The following HECTD4 variants were observed in gnomAD, a reference collection of about 807,000 sequenced individuals.
HECTD4 encodes probable E3 ubiquitin-protein ligase HECTD4.
A neutral mutation model predicts 471.5 loss-of-function variants in HECTD4; 114 were observed. The ratio of observed to expected loss-of-function variants is 0.24; its 90% CI spans 0.21 to 0.28. The LOEUF (loss-of-function observed/expected upper bound fraction) is 0.28, where lower values mean the gene tolerates loss of function less well. Among genes scored for constraint, HECTD4 ranks in the 10% least tolerant of loss-of-function variants. The probability of loss-of-function intolerance (pLI) is 1.00; values close to 1 mark genes in which losing one functional copy is unlikely to be tolerated. For missense variants in HECTD4, 3,866 were observed against 5,651.5 expected, an observed-to-expected ratio of 0.68 and a Z score of 10.13; for synonymous variants, 2,012 against 2,256.0, an observed-to-expected ratio of 0.89 and a Z score of 3.07.
Position 112,162,464 on chromosome 12 carries a change from G to A in HECTD4, c.13180C>T (p.Gln4394Ter), listed in dbSNP as rs2030726361. Residue 4394 changes from glutamine to a stop codon, truncating the protein, a stop_gained, in exon 76 of 76, where the codon CAG (glutamine) becomes TAG (stop). Transcript: ENST00000682272. LOFTEE classifies it high-confidence loss of function. The surrounding 1 kb of genome is among the most constrained non-coding windows in gnomAD (Gnocchi z 5.2). ...ETCMFMIKLP[Q>*]YSSLEIMLEK... The stretch of plus-strand genomic sequence containing the variant: ...AGCATGATTTCCAGAGAGGAGTACT[G>A]GGGAAGCTTGATCATGAACATGCAG... 1 of 1,613,984 alleles carries A rather than the reference G, an allele frequency of 6.2e-7. No homozygotes were observed. The highest frequency in any genetic ancestry group is 8.5e-7 in the Non-Finnish European group (1 of 1,179,868).
rs989866345 is a variant in HECTD4 at position 112,381,831 on chromosome 12, A to G, written c.177+121T>C. 548 of 634,028 alleles carry G rather than the reference A, an allele frequency of 8.6e-4. No homozygotes were observed. Among genetic ancestry groups the G allele is most frequent in the Non-Finnish European group, 1.1e-3 (509 of 452,176 alleles). 39.3% of individuals were successfully genotyped at this position (634,028 alleles called of 1,614,324 possible). On this transcript the variant is annotated intron_variant, in intron 1 of 75. Transcript: ENST00000682272. The surrounding 1 kb of genome is among the most constrained non-coding windows in gnomAD (Gnocchi z 4.1). ...CCACCTGCCCGCCCCGCGCCCACAC[A>G]CACCTGCCCCGGCAGCCGCCGGGAG...
chr12:112,206,738 G>A (rs1391386328), intron 52 of HECTD4, among the ~76,000 whole-genome samples: 3 of 151,852 alleles, frequency 2.0e-5, no homozygotes, highest in Admixed American at 6.6e-5. Flanking sequence ...GGGTTTCACC[G>A]TGTTAGCCAG....
rs1272674672 is a variant in HECTD4, at chr12:112,239,821, C to A, written c.5105+60G>T. On this transcript the variant is annotated intron_variant, in intron 33 of 75. Coordinates refer to ENST00000682272, the MANE Select transcript of HECTD4 (RefSeq NM_001388303.1). The surrounding 1 kb of genome is among the most constrained non-coding windows in gnomAD (Gnocchi z 4.9). ...CAATTTTTAAAATTAAAAATACTTT[C>A]ACTTAATCGACTATACTGCAGGGTA... 7.0e-7 allele frequency: 1 copy of A among 1,437,980 alleles called. No homozygotes were observed. Among genetic ancestry groups the A allele is most frequent in the East Asian group, 2.3e-5 (1 of 43,192 alleles). 89.1% of individuals were successfully genotyped at this position (1,437,980 alleles called of 1,614,324 possible).
In HECTD4 at chr12:112,184,949, G is replaced by C. The variant is rs777310665; in HGVS notation, c.10017C>G (p.Thr3339=). 89 of 1,613,768 alleles carry C rather than the reference G, an allele frequency of 5.5e-5. 1 individual carries two copies. In the Admixed American group the frequency reaches 1.2e-3, roughly 21 times the overall value. ...QSSRTVDSDP[T]VLSIGGSKPE... ...GCTTGCTGCCTCCGATGCTGAGCAC[G>C]GTGGGGTCCGAGTCCACGGTGCGGG... The change falls in exon 61 of 76, where the codon ACC becomes ACG. Residue 3339 remains threonine (T), a synonymous_variant. Transcript: ENST00000682272. This position sits in a 1 kb window ranked among gnomAD's most constrained non-coding sequence, Gnocchi z 9.1.
chr12:112,352,154 G>A (rs1434585522), intron 1 of HECTD4, among the ~76,000 whole-genome samples: 1 of 152,032 alleles, frequency 6.6e-6, no homozygotes, highest in African/African-American at 2.4e-5. Context: ...ACATAAGAAC[G>A]TTTCAATTAG....
At chr12:112,233,883 T>C (rs1384885815) in intron 37 of HECTD4, among the ~76,000 whole-genome samples, 3 of 152,214 alleles carry the variant, frequency 2.0e-5, no homozygotes, top group Admixed American at 1.3e-4. Flanking sequence ...ACCCTGTGTG[T>C]TTCTCCCTGG....
chr12:112,221,545 G>A (rs1381388029), intron 44 of HECTD4, among the ~76,000 whole-genome samples: 2 of 151,938 alleles, frequency 1.3e-5, no homozygotes, highest in East Asian at 1.9e-4. Context: ...AGCCTCAGGA[G>A]CATTTTAAAG....
chr12:112,352,335 CTTT>C (rs1183472420), intron 1 of HECTD4, among the ~76,000 whole-genome samples: 2 of 136,642 alleles, frequency 1.5e-5, no homozygotes, highest in Admixed American at 7.5e-5. Context: ...GATGGAGCAT[CTTT>C]TTTTTTTTTT....
intron 16 of HECTD4, 109 bp downstream of exon 16, chr12:112,265,066 T>A: frequency 9.2e-7 from 1 of 1,081,324 alleles, no homozygotes; most frequent in Non-Finnish European, 1.3e-6. Context: ...CGCCCGGCCT[T>A]TCATAAATTA....
chr12:112,231,751 TCA>T, intron 38 of HECTD4, 36 bp from the exon 39 acceptor site: 1 of 1,547,694 alleles, frequency 6.5e-7, no homozygotes, highest in East Asian at 2.3e-5. Flanking sequence ...AAGATTCATT[TCA>T]GTCTTCCCAG....
At chr12:112,366,893 AAAAG>A (rs1225107301) in intron 1 of HECTD4, among the ~76,000 whole-genome samples, 6 of 151,090 alleles carry the variant, frequency 4.0e-5, no homozygotes, top group African/African-American at 1.2e-4. Flanking sequence ...AAAAAAAAAA[AAAAG>A]AAAGAAAAAG....
At chr12:112,254,860 A>T (rs905153935) in intron 21 of HECTD4, among the ~76,000 whole-genome samples, 17 of 152,364 alleles carry the variant, frequency 1.1e-4, no homozygotes, top group African/African-American at 4.1e-4. Context: ...CTCATTTGGC[A>T]TTCAAAGACT....
chr12:112,240,958 T>G (rs1029234942), intron 32 of HECTD4, among the ~76,000 whole-genome samples: 1 of 152,230 alleles, frequency 6.6e-6, no homozygotes, highest in African/African-American at 2.4e-5. Context: ...TACAAAGACA[T>G]GCAACATAGT....
chr12:112,172,883 GA>G lies in HECTD4; in HGVS notation c.11595-23del, dbSNP rs774629567. ...GCACCTTGGGGTGGGGACAGGGGGA[GA>G]GGGGCAAAGTGAGGCAGGGCACACC... On this transcript the variant is annotated intron_variant, in intron 66 of 75. Coordinates refer to ENST00000682272, the MANE Select transcript of HECTD4 (RefSeq NM_001388303.1). 2.4e-5 allele frequency: 39 copies of G among 1,608,028 alleles called. No homozygotes were observed. In the Admixed American group the frequency reaches 6.0e-4, roughly 25 times the overall value.
intron 2 of HECTD4, among the ~76,000 whole-genome samples, chr12:112,316,436 T>A (rs2035480860): frequency 6.6e-6 from 1 of 152,196 alleles, no homozygotes. Flanking sequence ...TTGCTCACTG[T>A]CTGCCTCCCT....
chr12:112,354,162 T>C (rs969718028), intron 1 of HECTD4, among the ~76,000 whole-genome samples: 11 of 152,128 alleles, frequency 7.2e-5, no homozygotes, highest in Admixed American at 6.6e-5. Context: ...AGCCACGACC[T>C]ACCAGGCTCA....
chr12:112,174,757 T>A (rs528233018), intron 66 of HECTD4, among the ~76,000 whole-genome samples: 1 of 151,744 alleles, frequency 6.6e-6, no homozygotes, highest in African/African-American at 2.4e-5. Flanking sequence ...AGAGACGGGG[T>A]TTCACCATAT....
intron 1 of HECTD4, among the ~76,000 whole-genome samples, chr12:112,323,386 T>C (rs571779936): frequency 2.0e-5 from 3 of 152,236 alleles, no homozygotes; most frequent in Middle Eastern, 3.4e-3. Context: ...TTAACTAATA[T>C]GAAAAATATT....
In HECTD4 at chr12:112,239,280, G is replaced by A. The variant is rs779577487; in HGVS notation, c.5106-44C>T. ...TTACACTAGATAAACGTAACTGACC[G>A]ACACTCAGGAAACTCTCATGTGAGG... is the stretch of plus-strand genomic sequence containing the variant. On this transcript the variant is annotated intron_variant, in intron 33 of 75. Coordinates refer to ENST00000682272, the MANE Select transcript of HECTD4 (RefSeq NM_001388303.1). The surrounding 1 kb of genome is among the most constrained non-coding windows in gnomAD (Gnocchi z 4.9). 5.3e-6 allele frequency: 8 copies of A among 1,519,512 alleles called. No homozygotes were observed. The Admixed American group carries it at 1.0e-4, about 19-fold the overall frequency. 94.1% of individuals were successfully genotyped at this position (1,519,512 alleles called of 1,614,324 possible). A position where few individuals can be genotyped will look rare whatever the true frequency, so the allele number is the denominator to read the frequency against.
Sources: allele counts gnomAD v4.1 joint callset (sites outside exome capture counted in the v4.1 genomes callset), GRCh38; gene constraint gnomAD v4.1.1; non-coding constraint Gnocchi (gnomAD v3.1); transcripts MANE v1.5; gene names NCBI Gene and HGNC (gene_info 2026-07-23, HGNC 2026-07-21).